The following NRP1 variants were observed in gnomAD, a reference collection of about 807,000 sequenced individuals.
NRP1 encodes the protein neuropilin-1.
A neutral mutation model predicts 106.7 loss-of-function variants in NRP1; 35 were observed. The observed-to-expected ratio is 0.33, with a 90% CI of 0.25 to 0.43. The LOEUF (loss-of-function observed/expected upper bound fraction) is 0.43, where lower values mean the gene tolerates loss of function less well. NRP1 is among the 20% of genes least tolerant of loss of function. The pLI, the probability that NRP1 is intolerant of heterozygous loss-of-function variation, is 1.00. For synonymous variants in NRP1, 437 were observed against 417.9 expected (o/e 1.05, Z -0.56); for missense variants, 1,024 against 1,170.4 (o/e 0.87, Z 1.83).
chr10:33,259,661 G>A (rs1455848721), intron 4 of NRP1, among the ~76,000 whole-genome samples: 1 of 152,184 alleles, frequency 6.6e-6, no homozygotes, highest in Non-Finnish European at 1.5e-5. Flanking sequence ...CGTATCAGAT[G>A]TGAAAGGAAT....
At chr10:33,250,248 C>T (rs1193841635) in intron 6 of NRP1, among the ~76,000 whole-genome samples, 2 of 152,130 alleles carry the variant, frequency 1.3e-5, no homozygotes, top group Non-Finnish European at 2.9e-5. Context: ...ATGAAAACAA[C>T]AAGCCAACCA....
intron 11 of NRP1, chr10:33,202,001 AAATT>A (rs753272346): frequency 6.6e-6 from 1 of 152,214 alleles, no homozygotes. Context: ...TTGCCCATGG[AAATT>A]AATTATGTGG....
intron 2 of NRP1, among the ~76,000 whole-genome samples, chr10:33,311,765 G>A (rs1846622424): frequency 6.6e-6 from 1 of 152,146 alleles, no homozygotes. Context: ...TTAAGCACAT[G>A]TTGTGATGAA....
intron 6 of NRP1, among the ~76,000 whole-genome samples, chr10:33,226,746 C>T (rs554567871): frequency 1.3e-5 from 2 of 152,328 alleles, no homozygotes; most frequent in East Asian, 1.9e-4. Context: ...CCCAGACATT[C>T]CTAAGTCTTT....
intron 2 of NRP1, among the ~76,000 whole-genome samples, chr10:33,283,346 C>CT (rs1187215132): frequency 9.9e-5 from 15 of 152,162 alleles, no homozygotes; most frequent in African/African-American, 3.4e-4. Flanking sequence ...TGTCCGTTTT[C>CT]TTTTTTTCAT....
At chr10:33,241,344 G>GA (rs1053112155) in intron 6 of NRP1, among the ~76,000 whole-genome samples, 9 of 151,286 alleles carry the variant, frequency 5.9e-5, no homozygotes, top group African/African-American at 1.7e-4. Flanking sequence ...CATGTTCCAG[G>GA]AAAAAAAAAT....
chr10:33,193,266 C>T (rs1166676620), intron 12 of NRP1, among the ~76,000 whole-genome samples: 1 of 152,158 alleles, frequency 6.6e-6, no homozygotes, highest in Non-Finnish European at 1.5e-5. Context: ...TTAAAACCCA[C>T]AGCCTGACAT....
chr10:33,215,955 G>A (rs743168), intron 8 of NRP1, among the ~76,000 whole-genome samples: 46,426 of 151,864 alleles, frequency 0.31, 7,347 homozygotes, highest in East Asian at 0.62. Flanking sequence ...CTTTCTTTCT[G>A]TTCCCTCCAC....
At chr10:33,242,732 T>G (rs1228225020) in intron 6 of NRP1, among the ~76,000 whole-genome samples, 1 of 152,184 alleles carries the variant, frequency 6.6e-6, no homozygotes, top group African/African-American at 2.4e-5. Context: ...CCTGTAGCCA[T>G]TTGCCTTTGG....
chr10:33,212,168 CT>C (rs1315912413), intron 9 of NRP1: 1 of 152,140 alleles, frequency 6.6e-6, no homozygotes, highest in Admixed American at 6.5e-5. Context: ...TTGAGATTTC[CT>C]TTTCTTTTCA....
rs945580406 is a variant in NRP1 at position 33,334,488 on chromosome 10, G to C, written c.-106C>G. ...ATCCGAAGAGCCCCAACTCCGCCTAGAGCTGTACAATCCTCAGCCCGTCTT... is the reference window on the plus strand; with the variant it reads ...ATCCGAAGAGCCCCAACTCCGCCTACAGCTGTACAATCCTCAGCCCGTCTT... On this transcript the variant is annotated 5_prime_UTR_variant, in exon 1 of 17. Transcript: ENST00000374867. 2 of 966,808 alleles carry C rather than the reference G, an allele frequency of 2.1e-6. No individual in the cohort carries two copies. Among genetic ancestry groups the C allele is most frequent in the Non-Finnish European group, 3.1e-6 (2 of 639,548 alleles). 59.9% of individuals were successfully genotyped at this position (966,808 alleles called of 1,614,324 possible).
chr10:33,256,289 GGCTTT>G (rs1701218750), intron 5 of NRP1, 22 bp downstream of exon 5: 2 of 1,611,236 alleles, frequency 1.2e-6, no homozygotes, highest in African/African-American at 2.7e-5. Context: ...TTTACCACAG[GGCTTT>G]GCAAAATGAA....
intron 6 of NRP1, among the ~76,000 whole-genome samples, chr10:33,237,546 A>C (rs556108772): frequency 4.0e-5 from 6 of 149,798 alleles, no homozygotes; most frequent in Non-Finnish European, 7.4e-5. Context: ...ACATTTGAAA[A>C]TATTTGCTAT....
At chr10:33,222,603 C>A (rs1418861817) in intron 7 of NRP1, among the ~76,000 whole-genome samples, 1 of 151,920 alleles carries the variant, frequency 6.6e-6, no homozygotes, top group African/African-American at 2.4e-5. Context: ...TCACTGCGGC[C>A]TCCGCCTCCC....
At chr10:33,301,830 T>C (rs748223091) in intron 2 of NRP1, among the ~76,000 whole-genome samples, 8 of 152,226 alleles carry the variant, frequency 5.3e-5, no homozygotes, top group Non-Finnish European at 1.0e-4. Context: ...CACAAACATC[T>C]GTGTCATTCT....
rs762826442 is a variant in NRP1, at chr10:33,207,705, G to A, written c.1626C>T (p.Gly542=). The A allele has an allele frequency of 1.9e-6, 3 of 1,613,510 alleles. No individual in the cohort carries two copies. The Admixed American group carries it at 5.0e-5, about 27-fold the overall frequency. ...GCTCAGGTGTATCATAGTTGTTGTT[G>A]CCCTCAAAAGACTGTGAAGCATGGA... ...DSKRKAKSFE[G]NNNYDTPELR... The change falls in exon 10 of 17, where the codon GGC becomes GGT. Residue 542 remains glycine, a synonymous_variant. Coordinates refer to ENST00000374867, the MANE Select transcript of NRP1 (RefSeq NM_003873.7).
chr10:33,276,658 C>T (rs1357897752), intron 2 of NRP1, among the ~76,000 whole-genome samples: 1 of 152,100 alleles, frequency 6.6e-6, no homozygotes, highest in African/African-American at 2.4e-5. Flanking sequence ...CTTGTTACTC[C>T]CTTTCATATT....
chr10:33,228,719 A>G (rs1331317), intron 6 of NRP1, among the ~76,000 whole-genome samples: 56,513 of 152,064 alleles, frequency 0.37, 10,629 homozygotes, highest in East Asian at 0.64. Context: ...AAAGAATGGG[A>G]CTATCATTCA....
chr10:33,230,660 C>T lies in NRP1; in HGVS notation c.982-4371G>A, dbSNP rs7085080. Among the ~76,000 whole-genome samples, 382 of 149,612 alleles carry T rather than the reference C, an allele frequency of 2.6e-3. 3 individuals carry two copies. The highest frequency in any genetic ancestry group is 9.1e-3 in the African/African-American group (369 of 40,762). On this transcript the variant is annotated intron_variant, in intron 6 of 16. Transcript: ENST00000374867. ...GTGTATGTATCTCCTAGTCACTTTC[C>T]TACAACTTATCCGCCCTAGAAGCCC...
Sources: gnomAD v4.1 joint callset for allele counts (sites outside exome capture counted in the v4.1 genomes callset) on GRCh38, gnomAD v4.1.1 for gene constraint, MANE v1.5 for transcripts, NCBI Gene and HGNC (gene_info 2026-07-23, HGNC 2026-07-21) for gene names.